Variants in THAP3 observed in about 807,000 individuals in gnomAD.
THAP3 encodes the protein THAP domain containing 3.
Under a neutral mutation model 17.7 loss-of-function variants are expected in THAP3, and 12 were observed. The ratio of observed to expected loss-of-function variants is 0.68; its 90% CI spans 0.43 to 1.10. The LOEUF (loss-of-function observed/expected upper bound fraction) is 1.10. Among genes scored for constraint, THAP3 ranks in the 50% least tolerant of loss-of-function variants. The probability of loss-of-function intolerance (pLI) is 0.00; values close to 1 mark genes in which losing one functional copy is unlikely to be tolerated. For synonymous variants in THAP3, 133 were observed against 126.9 expected (o/e 1.05, Z -0.32); for missense variants, 289 against 318.0 (o/e 0.91, Z 0.69).
At chr1:6,634,653 G>T, downstream of THAP3, 2 of 1,366,512 alleles carry the variant, frequency 1.5e-6, no homozygotes, top group Non-Finnish European at 2.0e-6. Flanking sequence ...CGTGGAGGGG[G>T]TCCTAGCTCC....
chr1:6,633,634 C>A (rs1328769482), downstream of THAP3: 1 of 1,039,022 alleles, frequency 9.6e-7, no homozygotes, highest in African/African-American at 1.7e-5. Context: ...CGTGGCCGGG[C>A]GCAGTGGCTC....
At position 6,625,245 on chromosome 1, in the gene THAP3, G is replaced by A. The variant is rs1486264213; in HGVS notation, c.27G>A (p.Gln9=). Residue 9 remains glutamine (Q), a synonymous_variant, in exon 2 of 6, where the codon CAG becomes CAA. Coordinates refer to ENST00000054650, the MANE Select transcript of THAP3 (RefSeq NM_001195753.2). MPKSCAAR[Q]CCNRYSSRRK... ...TGCCGAAGTCGTGCGCGGCCCGGCA[G>A]TGCTGCAACCGCTACAGCAGCCGCA... 2 of 1,545,914 alleles carry A rather than the reference G, an allele frequency of 1.3e-6. No homozygotes were observed. Among genetic ancestry groups the A allele is most frequent in the Admixed American group, 2.0e-5 (1 of 51,142 alleles).
At chr1:6,625,397 C>T (rs1451940593) in intron 2 of THAP3, 105 bp downstream of exon 2, 25 of 1,098,106 alleles carry the variant, frequency 2.3e-5, no homozygotes, top group East Asian at 3.6e-5. Flanking sequence ...CGTGCGGCCG[C>T]TGGGCCCGGG....
chr1:6,633,034 A>T lies in THAP3; in HGVS notation c.677A>T (p.His226Leu), dbSNP rs1316938737. The change falls in exon 6 of 6, where the codon CAC (histidine) becomes CTC (leucine). Residue 226 changes from histidine to leucine, a missense_variant. Coordinates refer to ENST00000054650, the MANE Select transcript of THAP3 (RefSeq NM_001195753.2). Reference protein sequence around the residue: ...MSSRLRACKGHQGLQARLGPE... With the variant: ...MSSRLRACKGLQGLQARLGPE... ...AGCCGCCTCCGTGCTTGCAAAGGGC[A>T]CCAGGGACTCCAGGCCAGACTTGGG... 1 of 1,610,266 alleles carries T rather than the reference A, an allele frequency of 6.2e-7. No homozygotes were observed.
chr1:6,628,828 C>G (rs1641532810), intron 3 of THAP3, 137 bp downstream of exon 3: 1 of 829,126 alleles, frequency 1.2e-6, no homozygotes. Context: ...TGTCACGCCT[C>G]TGGGGTCCAC....
intron 4 of THAP3, 112 bp downstream of exon 4, chr1:6,630,465 T>C (rs1641579511): frequency 3.8e-6 from 4 of 1,044,072 alleles, no homozygotes; most frequent in East Asian, 2.5e-5. Flanking sequence ...TTTCCTCATA[T>C]GCCAGTTTGG....
chr1:6,625,298 A>C lies in THAP3; in HGVS notation c.74+6A>C. 6.5e-7 allele frequency: 1 copy of C among 1,533,016 alleles called. No homozygotes were observed. The highest frequency in any genetic ancestry group is 8.8e-7 in the Non-Finnish European group (1 of 1,142,038). 95.0% of individuals were successfully genotyped at this position (1,533,016 alleles called of 1,614,324 possible). ...AAGCAGCTCACCTTCCACCGGTAAG[A>C]GGCGGGGACCCGGGGGCGCGGGAGG... On this transcript the variant is annotated splice_donor_region_variant and intron_variant, in intron 2 of 5. Coordinates refer to ENST00000054650, the MANE Select transcript of THAP3 (RefSeq NM_001195753.2).
chr1:6,628,689 C>G lies in THAP3; in HGVS notation c.265C>G (p.Gln89Glu). 2.5e-6 allele frequency: 4 copies of G among 1,612,076 alleles called. No individual in the cohort carries two copies. Among genetic ancestry groups the G allele is most frequent in the Non-Finnish European group, 3.4e-6 (4 of 1,179,346 alleles). ...GGTGTTCGCCTTTCAGGACCCCACA[C>G]AGGTAGGAGGGCACTGCACCTTCCG... ...PTVFAFQDPTQQVRENTDPAS... is the reference protein window; with the variant it reads ...PTVFAFQDPTEQVRENTDPAS... Residue 89 changes from glutamine (Q) to glutamate (E), a missense_variant and splice_region_variant, in exon 3 of 6, where the codon CAG (glutamine) becomes GAG (glutamate). Coordinates refer to ENST00000054650, the MANE Select transcript of THAP3 (RefSeq NM_001195753.2).
At chr1:6,634,477 T>C (rs1265993137), downstream of THAP3, 2 of 1,324,776 alleles carry the variant, frequency 1.5e-6, no homozygotes, top group Non-Finnish European at 2.0e-6. Context: ...GCAACAGCTG[T>C]GGGTGGGCTG....
In THAP3 at chr1:6,630,372, G is replaced by A. The variant is rs1420899982; in HGVS notation, c.333+19G>A. The A allele has an allele frequency of 2.5e-6, 4 of 1,613,076 alleles. No individual in the cohort carries two copies. The highest frequency in any genetic ancestry group is 3.4e-6 in the Non-Finnish European group (4 of 1,179,084). On this transcript the variant is annotated intron_variant, in intron 4 of 5. Transcript: ENST00000054650. ...AGAAAAGGTGAGTGCACCGGGCCAG[G>A]TACTTGAATGTTTAAATTATGCTGT...
chr1:6,627,054 C>G (rs1641486691), intron 2 of THAP3, among the ~76,000 whole-genome samples: 2 of 152,214 alleles, frequency 1.3e-5, no homozygotes, highest in Admixed American at 6.5e-5. Flanking sequence ...GCATTTCACA[C>G]AACTGACCCC....
chr1:6,626,402 A>G (rs2148714689), intron 2 of THAP3, among the ~76,000 whole-genome samples: 1 of 151,994 alleles, frequency 6.6e-6, no homozygotes, highest in East Asian at 1.9e-4. Flanking sequence ...AGGGAACCCT[A>G]TCCTGCCCGC....
Position 6,633,455 on chromosome 1 carries a change from G to T in THAP3, c.*378G>T. ...TGTGAGGGGGCTGGCTCTGTGGCGGGTGAGTGGTCCCCTCCTCCATCAGCC... is the reference window on the plus strand; with the variant it reads ...TGTGAGGGGGCTGGCTCTGTGGCGGTTGAGTGGTCCCCTCCTCCATCAGCC... On this transcript the variant is annotated 3_prime_UTR_variant, in exon 6 of 6. Coordinates refer to ENST00000054650, the MANE Select transcript of THAP3 (RefSeq NM_001195753.2). The T allele has an allele frequency of 8.7e-7, 1 of 1,152,202 alleles. No individual in the cohort carries two copies. Among genetic ancestry groups the T allele is most frequent in the Non-Finnish European group, 1.1e-6 (1 of 929,220 alleles). 71.4% of individuals were successfully genotyped at this position (1,152,202 alleles called of 1,614,324 possible).
chr1:6,633,589 C>G (rs879030155), downstream of THAP3: 7 of 988,366 alleles, frequency 7.1e-6, no homozygotes, highest in East Asian at 2.4e-4. Context: ...ATCATTTTCT[C>G]TAGTGCCGTG....
downstream of THAP3, chr1:6,634,422 A>G: frequency 1.6e-6 from 2 of 1,248,128 alleles, no homozygotes; most frequent in Non-Finnish European, 2.1e-6. Flanking sequence ...GGAGGTTCTT[A>G]GCCGTTACTC....
At position 6,630,474 on chromosome 1, in the gene THAP3, G is replaced by T. The variant is rs908526009; in HGVS notation, c.333+121G>T. 4 of 929,522 alleles carry T rather than the reference G, an allele frequency of 4.3e-6. No homozygotes were observed. In the East Asian group the frequency reaches 1.0e-4, roughly 24 times the overall value. 57.6% of individuals were successfully genotyped at this position (929,522 alleles called of 1,614,324 possible). A position where few individuals can be genotyped will look rare whatever the true frequency, so the allele number is the denominator to read the frequency against. ...GTCGCCTTTCCTCATATGCCAGTTTGGATTCCCGGTTTTTCTGGAGGGAAG... is the reference window on the plus strand; with the variant it reads ...GTCGCCTTTCCTCATATGCCAGTTTTGATTCCCGGTTTTTCTGGAGGGAAG... On this transcript the variant is annotated intron_variant, in intron 4 of 5. Coordinates refer to ENST00000054650, the MANE Select transcript of THAP3 (RefSeq NM_001195753.2).
intron 3 of THAP3, 58 bp from the exon 4 acceptor site, chr1:6,630,230 T>A: frequency 1.3e-6 from 2 of 1,501,248 alleles, no homozygotes; most frequent in South Asian, 2.3e-5. Context: ...GCCCGAGGCC[T>A]GCCCCGAGCT....
At chr1:6,634,505 G>C (rs1179913569), downstream of THAP3, 2 of 1,349,652 alleles carry the variant, frequency 1.5e-6, no homozygotes, top group Non-Finnish European at 9.9e-7. Flanking sequence ...GCGCAGCTTG[G>C]GGCCCCCCGC....
Position 6,632,373 on chromosome 1 carries a change from TCA to T in THAP3, c.334-16_334-15del. On this transcript the variant is annotated splice_polypyrimidine_tract_variant and intron_variant, in intron 4 of 5. Transcript: ENST00000054650. ...CATGTGCAGGGCTGTAGTGCAGACT[TCA>T]CCCTGCCGTTCCCAGGTCCTCCCTG... 1 of 1,613,012 alleles carries T rather than the reference TCA, an allele frequency of 6.2e-7. No individual in the cohort carries two copies. The highest frequency in any genetic ancestry group is 8.5e-7 in the Non-Finnish European group (1 of 1,179,822).
Sources: gnomAD v4.1 joint callset for allele counts (sites outside exome capture counted in the v4.1 genomes callset) on GRCh38, gnomAD v4.1.1 for gene constraint, MANE v1.5 for transcripts, NCBI Gene and HGNC (gene_info 2026-07-23, HGNC 2026-07-21) for gene names.